Variants in PIAS1 observed in about 807,000 individuals in gnomAD.
PIAS1 encodes the protein protein inhibitor of activated STAT 1, also known as E3 SUMO-protein ligase PIAS1.
A neutral mutation model predicts 71.3 loss-of-function variants in PIAS1; 6 were observed. The observed-to-expected ratio is 0.08, with a 90% CI of 0.05 to 0.17. The LOEUF (loss-of-function observed/expected upper bound fraction) is 0.17. Ranked by LOEUF, PIAS1 falls within the 10% of genes least tolerant of loss-of-function variation. PIAS1 has a pLI of 1.00. For missense variants in PIAS1, 555 were observed against 793.6 expected (o/e 0.70, Z 3.61); for synonymous variants, 303 against 292.9 (o/e 1.03, Z -0.35).
At chr15:68,144,308 A>C (rs1403624409) in intron 4 of PIAS1, among the ~76,000 whole-genome samples, 2 of 152,118 alleles carry the variant, frequency 1.3e-5, no homozygotes, top group Admixed American at 6.6e-5. Flanking sequence ...CTAAAGCATA[A>C]AAATAATTAG....
intron 8 of PIAS1, among the ~76,000 whole-genome samples, chr15:68,166,539 A>G (rs1159601772): frequency 6.6e-6 from 1 of 152,080 alleles, no homozygotes; most frequent in Non-Finnish European, 1.5e-5. Flanking sequence ...TTGTTGTAAA[A>G]CACCAATTCA....
At chr15:68,061,266 T>C (rs1225557128) in intron 1 of PIAS1, 2 of 152,252 alleles carry the variant, frequency 1.3e-5, no homozygotes, top group African/African-American at 4.8e-5. Context: ...TAGTTGTCTT[T>C]AACCATCAAT....
chr15:68,187,522 C>CT lies in PIAS1; in HGVS notation c.1663-16dup. On this transcript the variant is annotated intron_variant, in intron 13 of 13. Transcript: ENST00000249636. This position sits in a 1 kb window ranked among gnomAD's most constrained non-coding sequence, Gnocchi z 5.3. Reference sequence around the variant, plus strand: ...GGAAGTATAATTAACATTTTTGTGTCTTTTGTTTCCCCTCCCTAGCATTAC... The same window carrying CT: ...GGAAGTATAATTAACATTTTTGTGTCTTTTTGTTTCCCCTCCCTAGCATTAC... 6.2e-7 allele frequency: 1 copy of CT among 1,605,366 alleles called. No homozygotes were observed. The highest frequency in any genetic ancestry group is 8.5e-7 in the Non-Finnish European group (1 of 1,173,346).
intron 2 of PIAS1, among the ~76,000 whole-genome samples, chr15:68,099,641 C>G (rs1287176729): frequency 6.6e-6 from 1 of 150,860 alleles, no homozygotes; most frequent in Non-Finnish European, 1.5e-5. Context: ...AATGGAATTG[C>G]TGGGTCATAT....
Position 68,183,663 on chromosome 15 carries a change from A to G in PIAS1, c.1658A>G (p.Asn553Ser), listed in dbSNP as rs2093070045. The change falls in exon 13 of 14, where the codon AAT becomes AGT. Residue 553 changes from asparagine to serine, a missense_variant. By Grantham distance (46) the Asn-to-Ser change is conservative (BLOSUM62 1). Coordinates refer to ENST00000249636, the MANE Select transcript of PIAS1 (RefSeq NM_016166.3). The stretch of plus-strand genomic sequence containing the variant: ...TTCTTTCCTTTCTTATCAGGAGACA[A>G]TCAGGTATGTTATGAAAAATTTACT... ...LDFFPFLSGD[N>S]QHYNTSLLAA... The G allele has an allele frequency of 1.9e-6, 2 of 1,077,896 alleles. No homozygotes were observed. Among genetic ancestry groups the G allele is most frequent in the Admixed American group, 2.1e-5 (1 of 47,176 alleles). The allele number at this position is 1,077,896 out of a possible 1,614,324, so 66.8% of individuals were successfully genotyped here.
In PIAS1 at chr15:68,192,053, C is replaced by T. The variant is rs1201328074; in HGVS notation, c.*4218C>T. 6.6e-6 allele frequency: 1 copy of T among 152,200 alleles called. No homozygotes were observed. Among genetic ancestry groups the T allele is most frequent in the African/African-American group, 2.4e-5 (1 of 41,442 alleles). The allele number at this position is 152,200 out of a possible 1,614,324, so 9.4% of individuals were successfully genotyped here. On this transcript the variant is annotated 3_prime_UTR_variant, in exon 14 of 14. Transcript: ENST00000249636. ...AGTGATAAATATAGACATAGAAAAG[C>T]TTTGACGGAAAGTACCCTCATTTAT...
intron 1 of PIAS1, among the ~76,000 whole-genome samples, chr15:68,082,184 A>G (rs1304852011): frequency 6.6e-6 from 1 of 152,170 alleles, no homozygotes; most frequent in African/African-American, 2.4e-5. Context: ...GAATAAAAAC[A>G]TCGTACCTCA....
chr15:68,092,445 T>C (rs1202537042), intron 2 of PIAS1, among the ~76,000 whole-genome samples: 3 of 152,176 alleles, frequency 2.0e-5, no homozygotes, highest in Non-Finnish European at 4.4e-5. Context: ...AGTGCTAGGA[T>C]TACAGGTGTG....
At chr15:68,125,636 A>G (rs2092644921) in intron 2 of PIAS1, among the ~76,000 whole-genome samples, 1 of 152,146 alleles carries the variant, frequency 6.6e-6, no homozygotes, top group Non-Finnish European at 1.5e-5. Context: ...TGAAGGCATT[A>G]ATTTTTCCAT....
intron 12 of PIAS1, 109 bp downstream of exon 12, chr15:68,181,463 G>C (rs2093052924): frequency 1.9e-6 from 2 of 1,037,592 alleles, no homozygotes; most frequent in South Asian, 3.0e-5. Flanking sequence ...GAGCCAACAG[G>C]GCCTTGGACC....
intron 2 of PIAS1, among the ~76,000 whole-genome samples, chr15:68,087,523 AG>A (rs1227098060): frequency 6.6e-6 from 1 of 152,174 alleles, no homozygotes; most frequent in Non-Finnish European, 1.5e-5. Context: ...ACGGCTGGCA[AG>A]CTAAGTCCAG....
At chr15:68,079,462 A>G (rs958972034) in intron 1 of PIAS1, among the ~76,000 whole-genome samples, 2 of 151,736 alleles carry the variant, frequency 1.3e-5, no homozygotes, top group Non-Finnish European at 1.5e-5. Context: ...GCCCTTTAAA[A>G]TTTTTTTTCC....
intron 2 of PIAS1, among the ~76,000 whole-genome samples, chr15:68,091,034 TGATCC>T (rs1019666342): frequency 4.6e-5 from 7 of 151,496 alleles, no homozygotes. Flanking sequence ...CATGTATTAT[TGATCC>T]ATATAAATAA....
Position 68,187,928 on chromosome 15 carries a change from T to C in PIAS1, c.*93T>C, listed in dbSNP as rs2093098705. The C allele has an allele frequency of 8.6e-7, 1 of 1,161,450 alleles. No individual in the cohort carries two copies. The highest frequency in any genetic ancestry group is 1.6e-5 in the African/African-American group (1 of 64,392). 71.9% of individuals were successfully genotyped at this position (1,161,450 alleles called of 1,614,324 possible). A position where few individuals can be genotyped will look rare whatever the true frequency, so the allele number is the denominator to read the frequency against. Reference sequence around the variant, plus strand: ...GTGCTCTGTTTTACCTTACTCTGTTTAGAAAAGTATACAAGCGTGTTTTTT... The same window carrying C: ...GTGCTCTGTTTTACCTTACTCTGTTCAGAAAAGTATACAAGCGTGTTTTTT... On this transcript the variant is annotated 3_prime_UTR_variant, in exon 14 of 14. Transcript: ENST00000249636. This position sits in a 1 kb window ranked among gnomAD's most constrained non-coding sequence, Gnocchi z 5.3.
intron 11 of PIAS1, among the ~76,000 whole-genome samples, chr15:68,176,877 G>A (rs930419191): frequency 6.6e-6 from 1 of 152,150 alleles, no homozygotes; most frequent in Admixed American, 6.5e-5. Context: ...GATCATTCTA[G>A]TACCGTGGTT....
Position 68,185,736 on chromosome 15 carries a change from G to A in PIAS1, c.1663-1806G>A, listed in dbSNP as rs1350267434. On this transcript the variant is annotated intron_variant, in intron 13 of 13. Transcript: ENST00000249636. The surrounding 1 kb of genome is among the most constrained non-coding windows in gnomAD (Gnocchi z 4.4). The stretch of plus-strand genomic sequence containing the variant: ...CCCAGCACTTTGGGAGGCCAAAGCG[G>A]GTAGATCATGAGGTCAGGAGTTCGA... 6.6e-6 allele frequency among the ~76,000 whole-genome samples: 1 copy of A among 151,960 alleles called. No individual in the cohort carries two copies. Among genetic ancestry groups the A allele is most frequent in the East Asian group, 1.9e-4 (1 of 5,158 alleles).
chr15:68,180,460 T>C (rs1298038050), intron 11 of PIAS1, among the ~76,000 whole-genome samples: 1 of 113,054 alleles, frequency 8.8e-6, no homozygotes, highest in Non-Finnish European at 2.1e-5. Context: ...TAATTGTTAG[T>C]AAATTTTAAA....
chr15:68,076,180 C>T (rs974196727), intron 1 of PIAS1, among the ~76,000 whole-genome samples: 2 of 152,084 alleles, frequency 1.3e-5, no homozygotes, highest in Admixed American at 6.6e-5. Context: ...CCTTAATTTT[C>T]TTGTGCACTC....
At chr15:68,146,834 A>C in intron 6 of PIAS1, 134 bp downstream of exon 6, 1 of 735,622 alleles carries the variant, frequency 1.4e-6, no homozygotes, top group Non-Finnish European at 2.3e-6. Context: ...ATGAATTTTC[A>C]ACATGTTTCC....
Sources: allele counts gnomAD v4.1 joint callset (sites outside exome capture counted in the v4.1 genomes callset), GRCh38; gene constraint gnomAD v4.1.1; non-coding constraint Gnocchi (gnomAD v3.1); transcripts MANE v1.5; gene names NCBI Gene and HGNC (gene_info 2026-07-23, HGNC 2026-07-21).